The following CADM3 variants were observed in gnomAD, a reference collection of about 807,000 sequenced individuals.
The protein encoded by CADM3 is TSLC1-like 1.
A neutral mutation model predicts 44.9 loss-of-function variants in CADM3; 11 were observed. The observed-to-expected ratio is 0.25, with a 90% CI of 0.15 to 0.41. The LOEUF is 0.41. CADM3 is among the 10% of genes least tolerant of loss of function. CADM3 has a pLI of 1.00. For synonymous variants in CADM3, 207 were observed against 205.2 expected, an observed-to-expected ratio of 1.01 and a Z score of -0.08; for missense variants, 426 against 512.0, an observed-to-expected ratio of 0.83 and a Z score of 1.62.
At position 159,193,866 on chromosome 1, in the gene CADM3, C is replaced by G; in HGVS notation, c.521-4C>G. On this transcript the variant is annotated splice_polypyrimidine_tract_variant and splice_region_variant and intron_variant, in intron 4 of 8. Transcript: ENST00000368125. Reference sequence around the variant, plus strand: ...GTGTGTGTGCCACTGTTTCTGCACTCTAGGAGAACCAACCCGCATACAGGA... The same window carrying G: ...GTGTGTGTGCCACTGTTTCTGCACTGTAGGAGAACCAACCCGCATACAGGA... 1 of 1,612,686 alleles carries G rather than the reference C, an allele frequency of 6.2e-7. No homozygotes were observed. The highest frequency in any genetic ancestry group is 8.5e-7 in the Non-Finnish European group (1 of 1,179,226).
In CADM3 at chr1:159,201,024, C is replaced by T. The variant is rs1423020388; in HGVS notation, c.*102C>T. On this transcript the variant is annotated 3_prime_UTR_variant, in exon 9 of 9. Coordinates refer to ENST00000368125, the MANE Select transcript of CADM3 (RefSeq NM_001127173.3). ...AGAGCAACCGCAGGGCCGCCCCTCCCGCTTGCTCCCCAGCCCACCCACCCC... is the reference window on the plus strand; with the variant it reads ...AGAGCAACCGCAGGGCCGCCCCTCCTGCTTGCTCCCCAGCCCACCCACCCC... The T allele has an allele frequency of 2.0e-5, 13 of 664,418 alleles. No individual in the cohort carries two copies. The highest frequency in any genetic ancestry group is 9.6e-4 in the Middle Eastern group (2 of 2,088). 41.2% of individuals were successfully genotyped at this position (664,418 alleles called of 1,614,324 possible). A position where few individuals can be genotyped will look rare whatever the true frequency, so the allele number is the denominator to read the frequency against.
chr1:159,189,974 T>C, intron 1 of CADM3: 1 of 758,546 alleles, frequency 1.3e-6, no homozygotes, highest in Non-Finnish European at 2.2e-6. Flanking sequence ...CTCACTCCTC[T>C]CATTACCACA....
chr1:159,180,437 C>A (rs1649184327), intron 1 of CADM3, among the ~76,000 whole-genome samples: 1 of 152,110 alleles, frequency 6.6e-6, no homozygotes, highest in African/African-American at 2.4e-5. Context: ...GATAAGAGTT[C>A]TTTATGTCAG....
At position 159,202,953 on chromosome 1, in the gene CADM3, A is replaced by G. The variant is rs1650288511; in HGVS notation, c.*2031A>G. 1 of 130,670 alleles carries G rather than the reference A, an allele frequency of 7.7e-6. No homozygotes were observed. The highest frequency in any genetic ancestry group is 2.6e-4 in the East Asian group (1 of 3,876). 8.1% of individuals were successfully genotyped at this position (130,670 alleles called of 1,614,324 possible). ...CTCTTCAAGCTGAACCACTCTGTCCATATTACACAGAAGCCATATTTGTAC... is the reference window on the plus strand; with the variant it reads ...CTCTTCAAGCTGAACCACTCTGTCCGTATTACACAGAAGCCATATTTGTAC... On this transcript the variant is annotated 3_prime_UTR_variant, in exon 9 of 9. Transcript: ENST00000368125.
At position 159,193,887 on chromosome 1, in the gene CADM3, C is replaced by G. The variant is rs747971741; in HGVS notation, c.538C>G (p.Gln180Glu). 3 of 1,613,772 alleles carry G rather than the reference C, an allele frequency of 1.9e-6. No individual in the cohort carries two copies. Among genetic ancestry groups the G allele is most frequent in the South Asian group, 1.1e-5 (1 of 91,044 alleles). Reference protein sequence around the residue: ...QELHGEPTRIQEDPNGKTFTV... With the variant: ...QELHGEPTRIEEDPNGKTFTV... ...CACTCTAGGAGAACCAACCCGCATA[C>G]AGGAAGATCCCAATGGTAAAACCTT... The change falls in exon 5 of 9, where the codon CAG becomes GAG. Residue 180 changes from glutamine to glutamate, a missense_variant. Coordinates refer to ENST00000368125, the MANE Select transcript of CADM3 (RefSeq NM_001127173.3).
At chr1:159,195,922 GT>G in intron 5 of CADM3, 1 of 156,314 alleles carries the variant, frequency 6.4e-6, no homozygotes, top group Non-Finnish European at 1.4e-5. Context: ...TCAAAATGAT[GT>G]TTTGTGTTCA....
intron 4 of CADM3, 72 bp downstream of exon 4, chr1:159,193,632 C>T (rs779167415): frequency 2.1e-5 from 34 of 1,590,486 alleles, no homozygotes; most frequent in South Asian, 3.3e-5. Context: ...TGTCTGTGAA[C>T]GTACACAGGA....
chr1:159,185,987 CAG>C (rs1278617278), intron 1 of CADM3, among the ~76,000 whole-genome samples: 1 of 152,124 alleles, frequency 6.6e-6, no homozygotes, highest in African/African-American at 2.4e-5. Context: ...GTGTGTAACT[CAG>C]AGAAGTGGGG....
intron 4 of CADM3, 30 bp downstream of exon 4, chr1:159,193,590 A>T (rs1557936870): frequency 6.2e-7 from 1 of 1,613,974 alleles, no homozygotes; most frequent in South Asian, 1.1e-5. Context: ...GGGTTACAGG[A>T]GAAAGTGGTG....
At chr1:159,196,745 A>G in intron 6 of CADM3, 146 bp from the exon 7 acceptor site, 2 of 789,336 alleles carry the variant, frequency 2.5e-6, no homozygotes, top group East Asian at 2.7e-5. Context: ...CACCTGGCGT[A>G]TAGCAGCTCC....
At chr1:159,185,926 C>G (rs1180353700) in intron 1 of CADM3, among the ~76,000 whole-genome samples, 1 of 152,166 alleles carries the variant, frequency 6.6e-6, no homozygotes, top group Non-Finnish European at 1.5e-5. Flanking sequence ...GAAAGTCAAA[C>G]TTGCAGTACA....
chr1:159,186,375 GTTC>G (rs1375279241), intron 1 of CADM3, among the ~76,000 whole-genome samples: 14 of 152,150 alleles, frequency 9.2e-5, no homozygotes, highest in African/African-American at 1.2e-4. Flanking sequence ...CTCTTCATCT[GTTC>G]TTCTACCTGA....
chr1:159,183,587 C>T (rs569475276), intron 1 of CADM3, among the ~76,000 whole-genome samples: 31 of 152,136 alleles, frequency 2.0e-4, no homozygotes, highest in African/African-American at 4.3e-4. Flanking sequence ...TGAGCTGGAA[C>T]GCATTGGAAC....
chr1:159,175,586 G>T (rs1316713937), intron 1 of CADM3, among the ~76,000 whole-genome samples: 2 of 152,206 alleles, frequency 1.3e-5, no homozygotes, highest in Admixed American at 6.5e-5. Flanking sequence ...CCTTTTCCCT[G>T]TCTTACTGGC....
intron 5 of CADM3, chr1:159,194,739 G>A (rs1483318052): frequency 2.0e-5 from 3 of 152,182 alleles, no homozygotes; most frequent in East Asian, 1.9e-4. Flanking sequence ...ATTCTGACCT[G>A]AAATGGCCAC....
At position 159,200,895 on chromosome 1, in the gene CADM3, GGAC is replaced by G. The variant is rs1557941321; in HGVS notation, c.1174_1176del (p.Asp392del). 1.9e-6 allele frequency: 3 copies of G among 1,607,460 alleles called. No homozygotes were observed. The highest frequency in any genetic ancestry group is 1.3e-5 in the African/African-American group (1 of 74,486). On this transcript the variant is annotated inframe_deletion, in exon 9 of 9. Transcript: ENST00000368125. ...ATGCAGAAGGCGGGCAGTCAGGAGG[GGAC>G]GACAAGAAGGAATATTTCATCTAGA... is the stretch of plus-strand genomic sequence containing the variant.
chr1:159,180,548 C>T (rs1649188612), intron 1 of CADM3, among the ~76,000 whole-genome samples: 1 of 151,254 alleles, frequency 6.6e-6, no homozygotes, highest in Admixed American at 6.6e-5. Context: ...GAGGCTAATG[C>T]GAACAATGTA....
At chr1:159,189,745 A>G in intron 1 of CADM3, 1 of 1,544,154 alleles carries the variant, frequency 6.5e-7, no homozygotes, top group Non-Finnish European at 8.9e-7. Context: ...TGTAGGGCTC[A>G]TGCTTGATGG....
chr1:159,196,811 T>C (rs1649916746), intron 6 of CADM3, 80 bp from the exon 7 acceptor site: 2 of 1,373,412 alleles, frequency 1.5e-6, no homozygotes, highest in South Asian at 2.7e-5. Context: ...TTGACATCCC[T>C]GCTCCCAGTT....
Sources: allele counts gnomAD v4.1 joint callset (sites outside exome capture counted in the v4.1 genomes callset), GRCh38; gene constraint gnomAD v4.1.1; transcripts MANE v1.5; gene names NCBI Gene and HGNC (gene_info 2026-07-23, HGNC 2026-07-21).